Variants in ASXL3 observed in about 807,000 individuals in gnomAD.
ASXL3 encodes putative Polycomb group protein ASXL3.
In ASXL3, 34 loss-of-function variants were observed where a neutral mutation model predicts 170.6. The observed-to-expected ratio is 0.20, with a 90% CI of 0.15 to 0.27. The LOEUF (loss-of-function observed/expected upper bound fraction) is 0.27, where lower values mean the gene tolerates loss of function less well. Ranked by LOEUF, ASXL3 falls within the 10% of genes least tolerant of loss-of-function variation. The pLI is 1.00. For synonymous variants in ASXL3, 1,002 were observed against 989.1 expected (o/e 1.01, Z -0.24); for missense variants, 2,592 against 2,695.3 (o/e 0.96, Z 0.85).
At position 33,739,868 on chromosome 18, in the gene ASXL3, G is replaced by T; in HGVS notation, c.2464G>T (p.Ala822Ser). 1.2e-6 allele frequency: 2 copies of T among 1,613,894 alleles called. No homozygotes were observed. Among genetic ancestry groups the T allele is most frequent in the South Asian group, 2.2e-5 (2 of 91,068 alleles). ...GAGTTCTTCTTCCATTGCTCCTGAA[G>T]CATTTCCGTCTGAAGATTTGCACAA... ...IMSSSSIAPE[A>S]FPSEDLHNKT... Residue 822 changes from alanine to serine, a missense_variant, in exon 11 of 12, where the codon GCA (alanine) becomes TCA (serine). Ala to Ser is a moderately conservative substitution (Grantham distance 99). This residue lies in a region of ASXL3 where 2,246 missense variants were observed against 2,219.6 expected (regional missense o/e 1.01). Coordinates refer to ENST00000269197, the MANE Select transcript of ASXL3 (RefSeq NM_030632.3).
At chr18:33,633,843 CAAAA>C (rs59859337) in intron 2 of ASXL3, among the ~76,000 whole-genome samples, 243 of 86,936 alleles carry the variant, frequency 2.8e-3, no homozygotes, top group African/African-American at 7.1e-3. Context: ...GACTCCATCT[CAAAA>C]AAAAAAAAAA....
intron 7 of ASXL3, among the ~76,000 whole-genome samples, chr18:33,675,694 C>G (rs950203373): frequency 2.0e-5 from 3 of 152,076 alleles, no homozygotes; most frequent in African/African-American, 7.2e-5. Context: ...TCACCCTGTG[C>G]AAGGCCTGAG....
chr18:33,742,921 A>G lies in ASXL3; in HGVS notation c.3073A>G (p.Ile1025Val). ...QLSKIGPPFI[I>V]KSQPVSKPES... ...TTCCAAAATTGGGCCACCTTTTATA[A>G]TCAAGAGCCAACCAGTCTCCAAACC... is the stretch of plus-strand genomic sequence containing the variant. The change falls in exon 12 of 12, where the codon ATC becomes GTC. Residue 1025 changes from isoleucine to valine, a missense_variant. By Grantham distance (29) the Ile-to-Val change is conservative (BLOSUM62 3). Transcript: ENST00000269197. 4 of 1,600,984 alleles carry G rather than the reference A, an allele frequency of 2.5e-6. No homozygotes were observed. Among genetic ancestry groups the G allele is most frequent in the Non-Finnish European group, 3.4e-6 (4 of 1,176,322 alleles).
At chr18:33,674,616 C>T (rs922883487) in intron 7 of ASXL3, among the ~76,000 whole-genome samples, 5 of 151,978 alleles carry the variant, frequency 3.3e-5, no homozygotes, top group Admixed American at 6.5e-5. Context: ...AGAAAGTAAC[C>T]CATGTCTTTT....
At chr18:33,675,581 C>T (rs2066412331) in intron 7 of ASXL3, among the ~76,000 whole-genome samples, 1 of 152,102 alleles carries the variant, frequency 6.6e-6, no homozygotes, top group Non-Finnish European at 1.5e-5. Flanking sequence ...ATTTTTTTCT[C>T]ATTGTGATAT....
chr18:33,740,098 A>G lies in ASXL3; in HGVS notation c.2694A>G (p.Pro898=), dbSNP rs747267506. Residue 898 remains proline, a synonymous_variant, in exon 11 of 12, where the codon CCA becomes CCG. Transcript: ENST00000269197. ...CAGATAATAAGGGAAATGAGCTTCC[A>G]TCTGCTAAATTACAGGACAAGCAAT... ...EGTDNKGNEL[P]SAKLQDKQYI... The G allele has an allele frequency of 3.7e-6, 6 of 1,613,996 alleles. No homozygotes were observed. Among genetic ancestry groups the G allele is most frequent in the South Asian group, 2.2e-5 (2 of 91,082 alleles).
At chr18:33,636,477 A>C (rs1339842055) in intron 2 of ASXL3, among the ~76,000 whole-genome samples, 1 of 152,166 alleles carries the variant, frequency 6.6e-6, no homozygotes, top group Non-Finnish European at 1.5e-5. Context: ...GCCGAATTGG[A>C]CCTGGGAGTT....
intron 1 of ASXL3, among the ~76,000 whole-genome samples, chr18:33,599,276 A>T (rs955122443): frequency 2.6e-5 from 4 of 152,194 alleles, no homozygotes; most frequent in Non-Finnish European, 4.4e-5. Flanking sequence ...GCTAAATTTC[A>T]GCCAGTCATT....
intron 2 of ASXL3, chr18:33,608,948 A>G: frequency 2.3e-6 from 2 of 865,172 alleles, no homozygotes; most frequent in Non-Finnish European, 2.8e-6. Context: ...ACCTATGCTC[A>G]AATTTTCATT....
intron 2 of ASXL3, among the ~76,000 whole-genome samples, chr18:33,634,206 A>G (rs572708302): frequency 2.0e-5 from 3 of 152,312 alleles, no homozygotes; most frequent in African/African-American, 7.2e-5. Flanking sequence ...AAATTAGAGA[A>G]GAGTCACATT....
chr18:33,684,996 A>G (rs1178483713), intron 8 of ASXL3, among the ~76,000 whole-genome samples: 1 of 152,176 alleles, frequency 6.6e-6, no homozygotes, highest in East Asian at 1.9e-4. Flanking sequence ...GGAAGGACAG[A>G]TTGGAAGTTG....
chr18:33,606,341 A>G (rs746811679), intron 1 of ASXL3, among the ~76,000 whole-genome samples: 26 of 151,920 alleles, frequency 1.7e-4, no homozygotes, highest in Non-Finnish European at 2.7e-4. Context: ...TTATAACATG[A>G]GTAAGGAAGG....
chr18:33,689,587 A>G (rs1212070917), intron 8 of ASXL3, among the ~76,000 whole-genome samples: 1 of 152,186 alleles, frequency 6.6e-6, no homozygotes, highest in Non-Finnish European at 1.5e-5. Context: ...AGTTTTCATA[A>G]TATCTCCTAC....
rs772685641 is a variant in ASXL3, at chr18:33,578,592, TC to T, written c.-35del. 3 of 1,224,408 alleles carry T rather than the reference TC, an allele frequency of 2.5e-6. No individual in the cohort carries two copies. Among genetic ancestry groups the T allele is most frequent in the African/African-American group, 1.6e-5 (1 of 62,354 alleles). 75.8% of individuals were successfully genotyped at this position (1,224,408 alleles called of 1,614,324 possible). A position where few individuals can be genotyped will look rare whatever the true frequency, so the allele number is the denominator to read the frequency against. ...CCCGAACCCCGAGCACCCCGTGGAA[TC>T]CCCCACGTCATCATCAGAACCATCA... On this transcript the variant is annotated 5_prime_UTR_variant, in exon 1 of 12. Coordinates refer to ENST00000269197, the MANE Select transcript of ASXL3 (RefSeq NM_030632.3).
chr18:33,694,772 C>T (rs1272350115), intron 8 of ASXL3, among the ~76,000 whole-genome samples: 1 of 152,186 alleles, frequency 6.6e-6, no homozygotes, highest in African/African-American at 2.4e-5. Context: ...TGTGTTCCTC[C>T]GGTTCTGCAC....
chr18:33,670,482 C>G (rs1372881438), intron 5 of ASXL3, among the ~76,000 whole-genome samples, 191 bp from the exon 6 acceptor site: 1 of 152,014 alleles, frequency 6.6e-6, no homozygotes, highest in Non-Finnish European at 1.5e-5. Context: ...TTTGCCAAAG[C>G]CTGATTTTAT....
At chr18:33,598,891 G>A (rs1480847159) in intron 1 of ASXL3, among the ~76,000 whole-genome samples, 1 of 152,020 alleles carries the variant, frequency 6.6e-6, no homozygotes, top group East Asian at 1.9e-4. Context: ...GTAACACTGG[G>A]CAAATTAAAT....
chr18:33,710,269 CAA>C (rs1358208124), intron 8 of ASXL3, among the ~76,000 whole-genome samples: 3 of 152,044 alleles, frequency 2.0e-5, no homozygotes, highest in East Asian at 3.9e-4. Flanking sequence ...CTCAAAAAAA[CAA>C]AACAAAACAA....
At chr18:33,697,200 T>G (rs759816795) in intron 8 of ASXL3, among the ~76,000 whole-genome samples, 7 of 152,146 alleles carry the variant, frequency 4.6e-5, no homozygotes, top group Non-Finnish European at 1.0e-4. Context: ...GAAAATGATC[T>G]GAACAGTATC....
Sources: gnomAD v4.1 joint callset for allele counts (sites outside exome capture counted in the v4.1 genomes callset) on GRCh38, gnomAD v4.1.1 for gene constraint, gnomAD v4.1.1 regional missense constraint, MANE v1.5 for transcripts, NCBI Gene and HGNC (gene_info 2026-07-23, HGNC 2026-07-21) for gene names.